Variants in RGS6 observed in about 807,000 individuals in gnomAD.
The protein encoded by RGS6 is regulator of G protein signaling 6.
RGS6 carries 30 observed loss-of-function variants against 78.5 expected under a neutral mutation model. That is an observed-to-expected ratio of 0.38 (90% CI 0.29 to 0.52). RGS6 has a LOEUF of 0.52. Ranked by LOEUF, RGS6 falls within the 20% of genes least tolerant of loss-of-function variation. RGS6 has a pLI of 0.85. For synonymous variants in RGS6, 206 were observed against 206.0 expected, an observed-to-expected ratio of 1.00 and a Z score of 0.00; for missense variants, 495 against 609.7, an observed-to-expected ratio of 0.81 and a Z score of 1.98.
intron 3 of RGS6, among the ~76,000 whole-genome samples, chr14:72,399,949 G>C (rs2092141032): frequency 6.6e-6 from 1 of 152,190 alleles, no homozygotes; most frequent in African/African-American, 2.4e-5. Flanking sequence ...ATGGAACCAA[G>C]TTGGAAAACA....
chr14:72,551,766 C>T (rs1176419319), intron 17 of RGS6, among the ~76,000 whole-genome samples: 1 of 152,210 alleles, frequency 6.6e-6, no homozygotes, highest in Non-Finnish European at 1.5e-5. Flanking sequence ...ACAAGAGCTG[C>T]CATTTATTGG....
chr14:72,156,612 C>G (rs2096775834), intron 2 of RGS6, among the ~76,000 whole-genome samples: 1 of 152,078 alleles, frequency 6.6e-6, no homozygotes, highest in Non-Finnish European at 1.5e-5. Context: ...TGTCCAGGGA[C>G]AAGATGTGTC....
intron 12 of RGS6, among the ~76,000 whole-genome samples, chr14:72,483,108 T>A (rs1044261226): frequency 3.9e-5 from 6 of 152,210 alleles, no homozygotes; most frequent in Admixed American, 1.3e-4. Flanking sequence ...GGAGTCCCTT[T>A]TTTTATTCAT....
At chr14:72,235,008 T>C (rs2050650219) in intron 2 of RGS6, among the ~76,000 whole-genome samples, 1 of 152,198 alleles carries the variant, frequency 6.6e-6, no homozygotes, top group Non-Finnish European at 1.5e-5. Context: ...TTGAGTCAAC[T>C]AGATGGCATG....
chr14:71,894,887 T>G, the RGS6 span, among the ~76,000 whole-genome samples: 1 of 152,002 alleles, frequency 6.6e-6, no homozygotes, highest in Non-Finnish European at 1.5e-5. Context: ...TGCAATGGTG[T>G]GATCTCAGCT....
At chr14:71,945,849 T>C (rs550876575) in intron 1 of RGS6, among the ~76,000 whole-genome samples, 39 of 152,094 alleles carry the variant, frequency 2.6e-4, no homozygotes, top group Non-Finnish European at 5.3e-4. Flanking sequence ...AAATATTATG[T>C]ATATCTACAC....
chr14:72,534,000 A>C (rs1201162870), intron 15 of RGS6, among the ~76,000 whole-genome samples: 4 of 152,244 alleles, frequency 2.6e-5, no homozygotes, highest in Non-Finnish European at 5.9e-5. Context: ...TTTTGAAAGA[A>C]GTTCTACTGT....
At chr14:72,278,672 C>A (rs2061087672) in intron 2 of RGS6, among the ~76,000 whole-genome samples, 1 of 152,130 alleles carries the variant, frequency 6.6e-6, no homozygotes, top group Non-Finnish European at 1.5e-5. Flanking sequence ...TGGCCTTACA[C>A]AATCATGGGA....
chr14:71,897,507 T>TTTTAC, the RGS6 span, among the ~76,000 whole-genome samples: 1 of 151,770 alleles, frequency 6.6e-6, no homozygotes, highest in Non-Finnish European at 1.5e-5. Flanking sequence ...TAGATTTATT[T>TTTTAC]TTTATTTTAT....
intron 2 of RGS6, among the ~76,000 whole-genome samples, chr14:72,142,914 A>G (rs1219062958): frequency 6.6e-6 from 1 of 152,212 alleles, no homozygotes; most frequent in Non-Finnish European, 1.5e-5. Flanking sequence ...TCAGATGGAT[A>G]TAAATTAGTA....
intron 12 of RGS6, among the ~76,000 whole-genome samples, chr14:72,493,813 G>C (rs1432880207): frequency 1.3e-5 from 2 of 151,478 alleles, no homozygotes; most frequent in Non-Finnish European, 2.9e-5. Context: ...CTAAAGGAAA[G>C]AGATTTTTCA....
chr14:72,127,776 G>A (rs932861133), intron 2 of RGS6, among the ~76,000 whole-genome samples: 1 of 152,048 alleles, frequency 6.6e-6, no homozygotes, highest in African/African-American at 2.4e-5. Flanking sequence ...TAAGATACAG[G>A]ACAGTTCCAT....
intron 2 of RGS6, among the ~76,000 whole-genome samples, chr14:72,198,544 C>T (rs1433569313): frequency 6.6e-6 from 1 of 152,180 alleles, no homozygotes; most frequent in Non-Finnish European, 1.5e-5. Context: ...TAGAGTAAGA[C>T]ACTGTATTTG....
intron 1 of RGS6, among the ~76,000 whole-genome samples, chr14:71,939,619 T>C (rs2090162377): frequency 6.6e-6 from 1 of 152,266 alleles, no homozygotes; most frequent in Non-Finnish European, 1.5e-5. Context: ...AGTCAATGGC[T>C]GCATACCAAG....
At chr14:72,616,482 G>A in the RGS6 span, among the ~76,000 whole-genome samples, 2 of 152,160 alleles carry the variant, frequency 1.3e-5, no homozygotes, top group Non-Finnish European at 2.9e-5. Context: ...ATTTGAAGAA[G>A]ACGTCTAACA....
intron 2 of RGS6, among the ~76,000 whole-genome samples, chr14:72,068,080 C>T (rs1010193842): frequency 2.6e-5 from 4 of 151,768 alleles, no homozygotes; most frequent in Non-Finnish European, 5.9e-5. Context: ...TTGTTTAAAT[C>T]CTGGGAAAGT....
chr14:72,597,281 A>G, the RGS6 span, among the ~76,000 whole-genome samples: 1 of 152,092 alleles, frequency 6.6e-6, no homozygotes, highest in African/African-American at 2.4e-5. Context: ...ATTAAATGTG[A>G]TAATAATAGC....
At chr14:72,103,055 T>C (rs924573639) in intron 2 of RGS6, among the ~76,000 whole-genome samples, 2 of 152,194 alleles carry the variant, frequency 1.3e-5, no homozygotes, top group South Asian at 4.1e-4. Flanking sequence ...TAGGAGGAAT[T>C]TGAGACCTCC....
chr14:72,461,046 A>G (rs2095765263), intron 6 of RGS6, among the ~76,000 whole-genome samples: 1 of 152,066 alleles, frequency 6.6e-6, no homozygotes, highest in Non-Finnish European at 1.5e-5. Context: ...GCCCTCTGAC[A>G]CTGTGCTGCA....
Sources: gnomAD v4.1 joint callset for allele counts (sites outside exome capture counted in the v4.1 genomes callset) on GRCh38, gnomAD v4.1.1 for gene constraint, MANE v1.5 for transcripts, NCBI Gene and HGNC (gene_info 2026-07-23, HGNC 2026-07-21) for gene names.